Variants in PRELID2 observed in about 807,000 individuals in gnomAD.
PRELID2 encodes PRELI domain containing 2.
In PRELID2, 25 loss-of-function variants were observed where a neutral mutation model predicts 28.4. That is an observed-to-expected ratio of 0.88 (90% CI 0.64 to 1.23). PRELID2 has a LOEUF of 1.23. PRELID2 is among the 50% of genes most tolerant of loss of function. The probability of loss-of-function intolerance (pLI) is 0.00; values close to 1 mark genes in which losing one functional copy is unlikely to be tolerated. For synonymous variants in PRELID2, 76 were observed against 71.6 expected (o/e 1.06, Z -0.31); for missense variants, 201 against 214.4 (o/e 0.94, Z 0.39).
At chr5:145,531,539 C>T (rs894994231) in intron 1 of PRELID2, among the ~76,000 whole-genome samples, 4 of 152,156 alleles carry the variant, frequency 2.6e-5, no homozygotes, top group African/African-American at 9.7e-5. Context: ...GTATGATTCA[C>T]CTCACAGGAC....
At chr5:145,824,973 C>T (rs532341363) in intron 1 of PRELID2, among the ~76,000 whole-genome samples, 1 of 151,994 alleles carries the variant, frequency 6.6e-6, no homozygotes, top group South Asian at 2.1e-4. Context: ...TGCCTGTAAT[C>T]CCAGCACTTT....
At chr5:145,834,989 G>A in intron 1 of PRELID2, 188 bp downstream of exon 1, 1 of 503,896 alleles carries the variant, frequency 2.0e-6, no homozygotes, top group East Asian at 3.3e-5. Context: ...TGCCAAGCAC[G>A]GCCCCTTTTC....
chr5:145,425,663 C>T, the PRELID2 span, among the ~76,000 whole-genome samples: 1 of 151,992 alleles, frequency 6.6e-6, no homozygotes, highest in Non-Finnish European at 1.5e-5. Context: ...GAACAGAAAA[C>T]CAACCACCTC....
At chr5:145,671,327 C>G (rs549775216) in intron 1 of PRELID2, among the ~76,000 whole-genome samples, 5 of 152,260 alleles carry the variant, frequency 3.3e-5, no homozygotes, top group South Asian at 2.1e-4. Context: ...CCCAACAAAA[C>G]TTTTAGGTCC....
At chr5:145,557,932 G>A (rs926861258) in intron 1 of PRELID2, among the ~76,000 whole-genome samples, 8 of 152,164 alleles carry the variant, frequency 5.3e-5, no homozygotes, top group Admixed American at 2.0e-4. Context: ...GCTACAAAAC[G>A]AGATCAGAAA....
rs112719354 is a variant in PRELID2, at chr5:145,791,852, G to A, written c.474+4590C>T. Among the ~76,000 whole-genome samples the A allele has an allele frequency of 4.8e-3, 727 of 152,208 alleles. 5 individuals carry two copies. The highest frequency in any genetic ancestry group is 0.017 in the African/African-American group (711 of 41,540). Reference sequence around the variant, plus strand: ...CACAGAAAAGCAGAAAAGAGGATACGTCATTACAGTAAAAATGGGTGAAAC... The same window carrying A: ...CACAGAAAAGCAGAAAAGAGGATACATCATTACAGTAAAAATGGGTGAAAC... On this transcript the variant is annotated intron_variant, in intron 5 of 6. Coordinates refer to ENST00000683046, the MANE Select transcript of PRELID2 (RefSeq NM_205846.3).
the PRELID2 span, among the ~76,000 whole-genome samples, chr5:145,401,098 C>T: frequency 6.6e-6 from 1 of 152,076 alleles, no homozygotes; most frequent in South Asian, 2.1e-4. Context: ...GCCCTACTGC[C>T]GTTGTCACGT....
chr5:145,385,850 A>G, the PRELID2 span, among the ~76,000 whole-genome samples: 1 of 152,102 alleles, frequency 6.6e-6, no homozygotes, highest in East Asian at 1.9e-4. Flanking sequence ...TACCTTAACA[A>G]ACTGAAAACA....
the PRELID2 span, among the ~76,000 whole-genome samples, chr5:145,453,375 T>C: frequency 6.6e-6 from 1 of 152,200 alleles, no homozygotes; most frequent in African/African-American, 2.4e-5. Flanking sequence ...TTCAAGTGCA[T>C]TAGAGCATCT....
intron 1 of PRELID2, among the ~76,000 whole-genome samples, chr5:145,833,196 T>A (rs1029594376): frequency 6.6e-6 from 1 of 152,196 alleles, no homozygotes; most frequent in Non-Finnish European, 1.5e-5. Flanking sequence ...TTGTGTTATG[T>A]GCTTCTGCAG....
the PRELID2 span, among the ~76,000 whole-genome samples, chr5:145,315,881 C>T: frequency 5.3e-5 from 8 of 152,238 alleles, no homozygotes; most frequent in South Asian, 8.3e-4. Flanking sequence ...ACATCTTAAA[C>T]ATATACAATT....
At chr5:145,698,667 A>G (rs1297906686) in intron 1 of PRELID2, among the ~76,000 whole-genome samples, 3 of 152,148 alleles carry the variant, frequency 2.0e-5, no homozygotes, top group Non-Finnish European at 4.4e-5. Flanking sequence ...ATCCCATTCA[A>G]AGGAGTTTCA....
chr5:145,523,508 A>C (rs992895763), intron 1 of PRELID2, among the ~76,000 whole-genome samples: 2 of 152,102 alleles, frequency 1.3e-5, no homozygotes, highest in African/African-American at 4.8e-5. Context: ...AATCCTTCTG[A>C]AGTTTGGGAA....
At chr5:145,334,219 G>T in the PRELID2 span, among the ~76,000 whole-genome samples, 2 of 152,108 alleles carry the variant, frequency 1.3e-5, no homozygotes, top group Non-Finnish European at 2.9e-5. Flanking sequence ...TTACTATTTG[G>T]CCATCTTGCC....
At chr5:145,473,594 T>G (rs1752074248) in intron 1 of PRELID2, among the ~76,000 whole-genome samples, 1 of 152,200 alleles carries the variant, frequency 6.6e-6, no homozygotes, top group African/African-American at 2.4e-5. Context: ...TTACTATTAC[T>G]CTTGCATTTT....
chr5:145,654,385 C>T (rs1278764725), intron 1 of PRELID2, among the ~76,000 whole-genome samples: 2 of 152,168 alleles, frequency 1.3e-5, no homozygotes, highest in African/African-American at 4.8e-5. Flanking sequence ...GGAATCCTCC[C>T]TAACTCATTT....
intron 1 of PRELID2, among the ~76,000 whole-genome samples, chr5:145,502,315 C>A (rs1221506438): frequency 2.0e-5 from 3 of 152,074 alleles, no homozygotes; most frequent in African/African-American, 7.2e-5. Flanking sequence ...GAGAACAGCA[C>A]TGAGAGAATT....
At chr5:145,796,777 T>C (rs1752780727) in intron 4 of PRELID2, among the ~76,000 whole-genome samples, 1 of 152,152 alleles carries the variant, frequency 6.6e-6, no homozygotes, top group Non-Finnish European at 1.5e-5. Flanking sequence ...GCAAAATCTC[T>C]TTTTAAAATT....
At chr5:145,805,066 C>T (rs979215218) in intron 4 of PRELID2, among the ~76,000 whole-genome samples, 1 of 152,074 alleles carries the variant, frequency 6.6e-6, no homozygotes, top group African/African-American at 2.4e-5. Context: ...ATTTTTAATA[C>T]CAAAATTCTT....
Sources: allele counts gnomAD v4.1 joint callset (sites outside exome capture counted in the v4.1 genomes callset), GRCh38; gene constraint gnomAD v4.1.1; transcripts MANE v1.5; gene names NCBI Gene and HGNC (gene_info 2026-07-23, HGNC 2026-07-21).